The following CREB1 variants were observed in gnomAD, a reference collection of about 807,000 sequenced individuals.
The protein encoded by CREB1 is cyclic AMP-responsive element-binding protein 1.
Under a neutral mutation model 42.0 loss-of-function variants are expected in CREB1, and 2 were observed. The observed-to-expected ratio is 0.05, with a 90% CI of 0.02 to 0.15. The LOEUF (loss-of-function observed/expected upper bound fraction) is 0.15, where lower values mean the gene tolerates loss of function less well. Among genes scored for constraint, CREB1 ranks in the 10% least tolerant of loss-of-function variants. The pLI is 1.00. For synonymous variants in CREB1, 123 were observed against 139.9 expected, an observed-to-expected ratio of 0.88 and a Z score of 0.85; for missense variants, 199 against 388.9, an observed-to-expected ratio of 0.51 and a Z score of 4.11.
intron 7 of CREB1, among the ~76,000 whole-genome samples, chr2:207,590,362 TAA>T (rs2084794549): frequency 6.6e-6 from 1 of 151,918 alleles, no homozygotes; most frequent in Non-Finnish European, 1.5e-5. Flanking sequence ...CCTTTTTTTT[TAA>T]GTCTGGCTAA....
chr2:207,530,970 C>CTT (rs777124719), intron 1 of CREB1, among the ~76,000 whole-genome samples: 1 of 135,180 alleles, frequency 7.4e-6, no homozygotes, highest in Non-Finnish European at 1.6e-5. Flanking sequence ...CACCCCTTTG[C>CTT]TTTTTTTTTT....
chr2:207,581,604 T>A (rs893029515), intron 7 of CREB1: 8 of 341,592 alleles, frequency 2.3e-5, no homozygotes, highest in African/African-American at 4.2e-5. Flanking sequence ...TATACATTTT[T>A]AATATATTTT....
At chr2:207,574,572 A>G (rs2082499672) in intron 5 of CREB1, among the ~76,000 whole-genome samples, 1 of 152,232 alleles carries the variant, frequency 6.6e-6, no homozygotes, top group Non-Finnish European at 1.5e-5. Context: ...GGCATAAACA[A>G]CAAAGGGTTC....
intron 3 of CREB1, among the ~76,000 whole-genome samples, chr2:207,562,689 G>A (rs1344343768): frequency 1.3e-5 from 2 of 152,054 alleles, no homozygotes; most frequent in African/African-American, 4.8e-5. Context: ...AGTTATCTTA[G>A]CCAGTTAATG....
intron 3 of CREB1, among the ~76,000 whole-genome samples, chr2:207,566,475 A>G (rs1275915043): frequency 6.6e-6 from 1 of 152,192 alleles, no homozygotes; most frequent in Non-Finnish European, 1.5e-5. Flanking sequence ...AAGCATACTT[A>G]GGTAAGTGAA....
At chr2:207,536,739 C>T (rs981526026) in intron 1 of CREB1, among the ~76,000 whole-genome samples, 2 of 151,918 alleles carry the variant, frequency 1.3e-5, no homozygotes, top group African/African-American at 2.4e-5. Context: ...TCTGTAATCC[C>T]GGCACTTTGG....
chr2:207,576,054 G>A (rs1417111931), intron 6 of CREB1, among the ~76,000 whole-genome samples: 2 of 149,398 alleles, frequency 1.3e-5, no homozygotes, highest in African/African-American at 2.5e-5. Flanking sequence ...CTTGAACTCC[G>A]GGCCTCAAGC....
intron 3 of CREB1, among the ~76,000 whole-genome samples, chr2:207,564,524 CTTAAAAAAAAAATA>C (rs914766995): frequency 2.7e-5 from 4 of 149,912 alleles, no homozygotes; most frequent in Non-Finnish European, 6.0e-5. Context: ...AAAAAAAAAT[CTTAAAAAAAAAATA>C]TATATCCAAA....
rs183293039 is a variant in CREB1 at position 207,572,677 on chromosome 2, G to A, written c.505+2356G>A. On this transcript the variant is annotated intron_variant, in intron 5 of 7. Transcript: ENST00000353267. ...TAAAAATACAAAAAATTAGCCGAGCGAGGTGGCGGGCACCTGTAGTCCCAG... is the reference window on the plus strand; with the variant it reads ...TAAAAATACAAAAAATTAGCCGAGCAAGGTGGCGGGCACCTGTAGTCCCAG... Among the ~76,000 whole-genome samples, 1,229 of 151,864 alleles carry A rather than the reference G, an allele frequency of 8.1e-3. 9 individuals are homozygous for A. Among genetic ancestry groups the A allele is most frequent in the Non-Finnish European group, 0.012 (805 of 67,934 alleles).
At chr2:207,582,600 G>C (rs574454624) in intron 7 of CREB1, among the ~76,000 whole-genome samples, 201 of 152,074 alleles carry the variant, frequency 1.3e-3, no homozygotes, top group Non-Finnish European at 2.4e-3. Context: ...TTTACTTTCT[G>C]AGACTACAAG....
At chr2:207,583,066 TAAA>T (rs1429181655) in intron 7 of CREB1, among the ~76,000 whole-genome samples, 2 of 151,876 alleles carry the variant, frequency 1.3e-5, no homozygotes, top group African/African-American at 2.4e-5. Context: ...ATAATACAAA[TAAA>T]AAAGTAACCT....
chr2:207,578,768 AAGAGTTGGAAAC>A (rs2082699036), intron 7 of CREB1, among the ~76,000 whole-genome samples: 1 of 152,090 alleles, frequency 6.6e-6, no homozygotes, highest in South Asian at 2.1e-4. Flanking sequence ...ATATTAGAAA[AAGAGTTGGAAAC>A]AAGCCAAGTG....
intron 1 of CREB1, among the ~76,000 whole-genome samples, chr2:207,554,269 T>C (rs976544704): frequency 6.6e-6 from 1 of 152,220 alleles, no homozygotes; most frequent in African/African-American, 2.4e-5. Context: ...TGTAAAACAC[T>C]TTCTTTTTAT....
At chr2:207,554,864 C>G (rs2081652366) in intron 1 of CREB1, among the ~76,000 whole-genome samples, 1 of 152,170 alleles carries the variant, frequency 6.6e-6, no homozygotes, top group Admixed American at 6.5e-5. Context: ...TAATTTGGCT[C>G]TGTGGCCATT....
chr2:207,538,976 G>A (rs1311478473), intron 1 of CREB1, among the ~76,000 whole-genome samples: 1 of 151,922 alleles, frequency 6.6e-6, no homozygotes. Context: ...TGGCAGTAGG[G>A]GACACAGAAA....
intron 6 of CREB1, chr2:207,576,977 T>C (rs751777077): frequency 4.1e-4 from 360 of 883,560 alleles, no homozygotes; most frequent in Non-Finnish European, 4.7e-4. Flanking sequence ...ATAATTGGCA[T>C]CAAGTGATAC....
chr2:207,532,402 C>T (rs1574738344), intron 1 of CREB1, among the ~76,000 whole-genome samples: 1 of 151,736 alleles, frequency 6.6e-6, no homozygotes, highest in Non-Finnish European at 1.5e-5. Flanking sequence ...TGGCCGAGTG[C>T]GGTGGCTCAC....
chr2:207,555,796 A>T lies in CREB1; in HGVS notation c.114+47A>T, dbSNP rs56288140. On this transcript the variant is annotated intron_variant, in intron 2 of 7. Transcript: ENST00000353267. ...TCCAGTTTGTGTCTCTTCCTAGAGG[A>T]ATACGTTTCCAAGAGAATTTAGTTG... 1.4e-3 allele frequency: 1,786 copies of T among 1,240,780 alleles called. 17 individuals carry two copies. The highest frequency in any genetic ancestry group is 5.3e-3 in the East Asian group (222 of 41,850). The allele number at this position is 1,240,780 out of a possible 1,614,324, so 76.9% of individuals were successfully genotyped here.
chr2:207,566,548 G>C (rs1401838669), intron 3 of CREB1, among the ~76,000 whole-genome samples: 1 of 152,174 alleles, frequency 6.6e-6, no homozygotes, highest in Non-Finnish European at 1.5e-5. Context: ...AACCTGGTTT[G>C]AGACTATAAC....
Sources: allele counts gnomAD v4.1 joint callset (sites outside exome capture counted in the v4.1 genomes callset), GRCh38; gene constraint gnomAD v4.1.1; transcripts MANE v1.5; gene names NCBI Gene and HGNC (gene_info 2026-07-23, HGNC 2026-07-21).